HPGDS: variants seen among roughly 807,000 people sequenced by gnomAD.
The protein encoded by HPGDS is GST class-sigma.
In HPGDS, 26 loss-of-function variants were observed where a neutral mutation model predicts 23.1. That is an observed-to-expected ratio of 1.13 (90% CI 0.83 to 1.56). The LOEUF is 1.56. Among genes scored for constraint, HPGDS ranks in the 40% most tolerant of loss-of-function variants. HPGDS has a pLI of 0.00. For synonymous variants in HPGDS, 95 were observed against 77.9 expected, an observed-to-expected ratio of 1.22 and a Z score of -1.16; for missense variants, 268 against 236.4, an observed-to-expected ratio of 1.13 and a Z score of -0.88.
chr4:94,310,615 C>T (rs1421718071), intron 3 of HPGDS, among the ~76,000 whole-genome samples: 3 of 152,118 alleles, frequency 2.0e-5, no homozygotes, highest in Admixed American at 6.6e-5. Context: ...CTTGGCAATG[C>T]AGGCTCTTTT....
rs573846334 is a variant in HPGDS, at chr4:94,308,738, C to A, written c.232G>T (p.Ala78Ser). ...CATTGTTCCATTTCTGTGTTTCCAG[C>A]CAAATCTGTGGAATAGAGAGAGGCC... ...ARYLTKNTDL[A>S]GNTEMEQCHV... The change falls in exon 4 of 6, where the codon GCT becomes TCT. Residue 78 changes from alanine (A) to serine (S), a missense_variant. Coordinates refer to ENST00000295256, the MANE Select transcript of HPGDS (RefSeq NM_014485.3). The A allele has an allele frequency of 6.4e-7, 1 of 1,574,358 alleles. No homozygotes were observed. The highest frequency in any genetic ancestry group is 1.7e-5 in the Admixed American group (1 of 59,318).
chr4:94,306,107 T>C (rs1214508501), intron 4 of HPGDS, among the ~76,000 whole-genome samples: 1 of 152,120 alleles, frequency 6.6e-6, no homozygotes. Flanking sequence ...GTGTAATGCC[T>C]ACTATGTAAA....
intron 5 of HPGDS, among the ~76,000 whole-genome samples, chr4:94,301,394 T>C (rs1181229158): frequency 6.6e-6 from 1 of 152,204 alleles, no homozygotes; most frequent in Non-Finnish European, 1.5e-5. Context: ...TTTCTGGGGT[T>C]GGAAAGTGGT....
chr4:94,310,559 C>T (rs199605889), intron 3 of HPGDS, among the ~76,000 whole-genome samples: 74 of 152,278 alleles, frequency 4.9e-4, no homozygotes, highest in Middle Eastern at 3.4e-3. Flanking sequence ...AGTTTGAAGT[C>T]GGGTAGCGTG....
intron 3 of HPGDS, among the ~76,000 whole-genome samples, chr4:94,309,477 G>A (rs1756214597): frequency 1.3e-5 from 2 of 152,066 alleles, no homozygotes; most frequent in Non-Finnish European, 1.5e-5. Context: ...TTTTATGGCT[G>A]CATAGTATTC....
chr4:94,331,708 T>A (rs1560594937), intron 2 of HPGDS, among the ~76,000 whole-genome samples: 1 of 152,178 alleles, frequency 6.6e-6, no homozygotes, highest in African/African-American at 2.4e-5. Flanking sequence ...GAATCCCACC[T>A]TTATTATAGC....
chr4:94,325,014 G>T (rs185517280), intron 2 of HPGDS, among the ~76,000 whole-genome samples: 6 of 152,266 alleles, frequency 3.9e-5, no homozygotes, highest in African/African-American at 1.4e-4. Flanking sequence ...TAACAGTCAG[G>T]TCCCTCAGCT....
At chr4:94,333,163 C>G (rs1264040752) in intron 2 of HPGDS, among the ~76,000 whole-genome samples, 1 of 152,162 alleles carries the variant, frequency 6.6e-6, no homozygotes, top group Non-Finnish European at 1.5e-5. Flanking sequence ...CTAAACTGGA[C>G]AGCAGATGAG....
intron 5 of HPGDS, 65 bp downstream of exon 5, chr4:94,302,081 T>A (rs1560582969): frequency 4.8e-6 from 6 of 1,249,618 alleles, no homozygotes; most frequent in Non-Finnish European, 6.9e-6. Flanking sequence ...TTCAGTAAGT[T>A]TTTATACTTC....
At chr4:94,337,254 A>G (rs1301523343) in intron 1 of HPGDS, among the ~76,000 whole-genome samples, 1 of 150,938 alleles carries the variant, frequency 6.6e-6, no homozygotes, top group African/African-American at 2.4e-5. Context: ...TACAGGCGTG[A>G]GCCACTGTGC....
intron 4 of HPGDS, among the ~76,000 whole-genome samples, chr4:94,305,768 T>C (rs78538996): frequency 0.014 from 2,166 of 152,202 alleles, 31 homozygotes; most frequent in Middle Eastern, 0.058. Flanking sequence ...CTTGTTTTCT[T>C]ACTTGGAAGA....
chr4:94,315,735 G>T (rs772168113), intron 3 of HPGDS, among the ~76,000 whole-genome samples: 1 of 152,192 alleles, frequency 6.6e-6, no homozygotes, highest in Non-Finnish European at 1.5e-5. Context: ...ACGATTTAGA[G>T]TTCCTCTGTA....
Position 94,302,260 on chromosome 4 carries a change from A to G in HPGDS, c.337-16T>C. 1 of 1,553,350 alleles carries G rather than the reference A, an allele frequency of 6.4e-7. No homozygotes were observed. The highest frequency in any genetic ancestry group is 8.9e-7 in the Non-Finnish European group (1 of 1,128,196). On this transcript the variant is annotated splice_polypyrimidine_tract_variant and intron_variant, in intron 4 of 5. Coordinates refer to ENST00000295256, the MANE Select transcript of HPGDS (RefSeq NM_014485.3). Reference sequence around the variant, plus strand: ...ACATCTGCTCCTAGGAGAAGGAGAAAATATCACTTTAAGAATAATGAGAAG... The same window carrying G: ...ACATCTGCTCCTAGGAGAAGGAGAAGATATCACTTTAAGAATAATGAGAAG...
chr4:94,309,340 A>G (rs1212298582), intron 3 of HPGDS, among the ~76,000 whole-genome samples: 1 of 137,244 alleles, frequency 7.3e-6, no homozygotes, highest in Non-Finnish European at 1.5e-5. Context: ...CTCATGGTTC[A>G]ATTCCCACCT....
At chr4:94,324,457 C>A (rs758695697) in intron 2 of HPGDS, among the ~76,000 whole-genome samples, 1 of 152,124 alleles carries the variant, frequency 6.6e-6, no homozygotes, top group South Asian at 2.1e-4. Flanking sequence ...TTGTTCATTT[C>A]TTTTTACTCT....
At chr4:94,338,552 T>C (rs1192429048) in intron 1 of HPGDS, among the ~76,000 whole-genome samples, 1 of 152,066 alleles carries the variant, frequency 6.6e-6, no homozygotes, top group Non-Finnish European at 1.5e-5. Context: ...AAAAACAAAA[T>C]AAAATACCTC....
chr4:94,321,028 C>T (rs1197950810), intron 2 of HPGDS, among the ~76,000 whole-genome samples: 1 of 152,084 alleles, frequency 6.6e-6, no homozygotes, highest in Non-Finnish European at 1.5e-5. Flanking sequence ...GAATCCTTCC[C>T]CCATTTCTTG....
At chr4:94,304,645 A>G (rs1396970539) in intron 4 of HPGDS, among the ~76,000 whole-genome samples, 1 of 152,120 alleles carries the variant, frequency 6.6e-6, no homozygotes, top group African/African-American at 2.4e-5. Flanking sequence ...ATATTAGCCA[A>G]GTCCTGCTTG....
rs371880264 is a variant in HPGDS at position 94,308,633 on chromosome 4, C to T, written c.336+1G>A. 4.6e-6 allele frequency: 7 copies of T among 1,532,928 alleles called. No homozygotes were observed. The highest frequency in any genetic ancestry group is 6.3e-6 in the Non-Finnish European group (7 of 1,108,986). 95.0% of individuals were successfully genotyped at this position (1,532,928 alleles called of 1,614,324 possible). Reference sequence around the variant, plus strand: ...TAGGAATAGCAAATGGATCACATTACTTTCACATCTTGCTTTTTCTCTGCC... The same window carrying T: ...TAGGAATAGCAAATGGATCACATTATTTTCACATCTTGCTTTTTCTCTGCC... On this transcript the variant is annotated splice_donor_variant, in intron 4 of 5. Coordinates refer to ENST00000295256, the MANE Select transcript of HPGDS (RefSeq NM_014485.3). LOFTEE classifies it high-confidence loss of function.
Sources: allele counts gnomAD v4.1 joint callset (sites outside exome capture counted in the v4.1 genomes callset), GRCh38; gene constraint gnomAD v4.1.1; transcripts MANE v1.5; gene names NCBI Gene and HGNC (gene_info 2026-07-23, HGNC 2026-07-21).